The following EPB41L4B variants were observed in gnomAD, a reference collection of about 807,000 sequenced individuals.
EPB41L4B encodes band 4.1-like protein 4B.
In EPB41L4B, 30 loss-of-function variants were observed where a neutral mutation model predicts 112.5. The observed-to-expected ratio is 0.27, with a 90% CI of 0.20 to 0.36. The LOEUF is 0.36. EPB41L4B is among the 10% of genes least tolerant of loss of function. The pLI, the probability that EPB41L4B is intolerant of heterozygous loss-of-function variation, is 1.00. For synonymous variants in EPB41L4B, 408 were observed against 439.7 expected (o/e 0.93, Z 0.90); for missense variants, 1,024 against 1,133.3 (o/e 0.90, Z 1.38).
intron 15 of EPB41L4B, among the ~76,000 whole-genome samples, chr9:109,236,526 A>T (rs766078583): frequency 3.3e-5 from 5 of 152,112 alleles, no homozygotes; most frequent in Admixed American, 6.5e-5. Flanking sequence ...TGAAAAGCAA[A>T]CCTGGACTGC....
intron 16 of EPB41L4B, among the ~76,000 whole-genome samples, chr9:109,216,563 C>T (rs1833373739): frequency 6.6e-6 from 1 of 151,064 alleles, no homozygotes; most frequent in Admixed American, 6.6e-5. Flanking sequence ...ATTGCTCGGA[C>T]CTGGGAGGGG....
chr9:109,286,213 A>ATGGATGGG (rs1836274508), intron 1 of EPB41L4B, among the ~76,000 whole-genome samples: 1 of 148,732 alleles, frequency 6.7e-6, no homozygotes, highest in African/African-American at 2.6e-5. Context: ...GGATGGATGG[A>ATGGATGGG]TGGATGGGTG....
Position 109,320,506 on chromosome 9 carries a change from G to GCTGCCA in EPB41L4B, c.-61_-60insTGGCAG. ...CGCTGCCGCTGCCGCTGCCGCTGCC[G>GCTGCCA]CTGCGCCGCCGCCCGGGAGCGTCCC... On this transcript the variant is annotated 5_prime_UTR_variant, in exon 1 of 26. Transcript: ENST00000374566. 1 of 871,284 alleles carries GCTGCCA rather than the reference G, an allele frequency of 1.1e-6. No homozygotes were observed. 54.0% of individuals were successfully genotyped at this position (871,284 alleles called of 1,614,324 possible).
At position 109,197,295 on chromosome 9, in the gene EPB41L4B, C is replaced by T. The variant is rs527793233; in HGVS notation, c.2046-2898G>A. On this transcript the variant is annotated intron_variant, in intron 20 of 25. Coordinates refer to ENST00000374566, the MANE Select transcript of EPB41L4B (RefSeq NM_019114.5). ...AAAATTAGCTGGGCGTGGTGGCACACGCCTGTAATCCCAGCTACTCGGCAG... is the reference window on the plus strand; with the variant it reads ...AAAATTAGCTGGGCGTGGTGGCACATGCCTGTAATCCCAGCTACTCGGCAG... 1.4e-3 allele frequency among the ~76,000 whole-genome samples: 208 copies of T among 152,148 alleles called. 2 individuals carry two copies. Among genetic ancestry groups the T allele is most frequent in the African/African-American group, 4.5e-3 (188 of 41,512 alleles).
intron 19 of EPB41L4B, among the ~76,000 whole-genome samples, chr9:109,201,904 A>G (rs1212383282): frequency 6.6e-6 from 1 of 151,976 alleles, no homozygotes; most frequent in Admixed American, 6.6e-5. Context: ...TCAGATTTAC[A>G]TTACAGAAAG....
At chr9:109,250,715 G>A (rs899347919) in intron 13 of EPB41L4B, among the ~76,000 whole-genome samples, 1 of 152,200 alleles carries the variant, frequency 6.6e-6, no homozygotes, top group African/African-American at 2.4e-5. Context: ...TGCGGAGGAT[G>A]TTTCAGATAA....
intron 1 of EPB41L4B, chr9:109,300,780 T>C (rs917961058): frequency 6.6e-6 from 1 of 152,052 alleles, no homozygotes; most frequent in African/African-American, 2.4e-5. Context: ...AGCAAGACTT[T>C]GTCTCAAAAA....
At chr9:109,177,057 G>A (rs752708890) in intron 24 of EPB41L4B, among the ~76,000 whole-genome samples, 2 of 152,198 alleles carry the variant, frequency 1.3e-5, no homozygotes, top group Non-Finnish European at 2.9e-5. Flanking sequence ...ATCGGGAAAT[G>A]TTAAAAGGTG....
intron 20 of EPB41L4B, 142 bp downstream of exon 20, chr9:109,200,094 G>T: frequency 1.6e-6 from 1 of 633,378 alleles, no homozygotes; most frequent in East Asian, 2.7e-5. Flanking sequence ...GAAAGGGCTA[G>T]TCTCATTATT....
chr9:109,233,739 C>G (rs928637614), intron 15 of EPB41L4B, among the ~76,000 whole-genome samples: 1 of 152,118 alleles, frequency 6.6e-6, no homozygotes, highest in Non-Finnish European at 1.5e-5. Context: ...GCCATGCTGG[C>G]TAGGCTAGTC....
chr9:109,211,739 G>A (rs1173081698), intron 17 of EPB41L4B, among the ~76,000 whole-genome samples: 2 of 147,648 alleles, frequency 1.4e-5, no homozygotes, highest in Non-Finnish European at 3.0e-5. Context: ...TTTTTGAGAG[G>A]GAGTCTCGCT....
chr9:109,263,384 C>A (rs1835286754), intron 5 of EPB41L4B, among the ~76,000 whole-genome samples: 1 of 152,214 alleles, frequency 6.6e-6, no homozygotes, highest in Admixed American at 6.5e-5. Context: ...GTTTGGAAAA[C>A]AGAATGAAAA....
At position 109,281,718 on chromosome 9, in the gene EPB41L4B, A is replaced by T. The variant is rs541721816; in HGVS notation, c.307-1797T>A. On this transcript the variant is annotated intron_variant, in intron 1 of 25. Coordinates refer to ENST00000374566, the MANE Select transcript of EPB41L4B (RefSeq NM_019114.5). ...TAAATAAATAAATAAATAAATAAAT[A>T]AATAAATTAATTAATTAATTTTAAA... Among the ~76,000 whole-genome samples, 642 of 118,254 alleles carry T rather than the reference A, an allele frequency of 5.4e-3. 2 individuals carry two copies. Among genetic ancestry groups the T allele is most frequent in the South Asian group, 0.018 (64 of 3,654 alleles). 77.6% of individuals were successfully genotyped at this position (118,254 alleles called of 152,430 possible).
chr9:109,305,562 A>G (rs10979817), intron 1 of EPB41L4B, among the ~76,000 whole-genome samples: 2,161 of 152,072 alleles, frequency 0.014, 44 homozygotes, highest in East Asian at 0.095. Context: ...AGGTTGCAGT[A>G]AGTGGAGACT....
chr9:109,283,493 C>T lies in EPB41L4B; in HGVS notation c.307-3572G>A, dbSNP rs74962085. 4.3e-3 allele frequency among the ~76,000 whole-genome samples: 647 copies of T among 152,194 alleles called. 8 individuals carry two copies. The highest frequency in any genetic ancestry group is 0.017 in the Middle Eastern group (5 of 294). On this transcript the variant is annotated intron_variant, in intron 1 of 25. Transcript: ENST00000374566. ...GAGAAAGGAGGCTGGAGGGATGAGA[C>T]GGCCTCATCTCTCCACCACAGGGAC...
At chr9:109,259,760 C>T (rs993074658) in intron 6 of EPB41L4B, among the ~76,000 whole-genome samples, 3 of 152,190 alleles carry the variant, frequency 2.0e-5, no homozygotes, top group Non-Finnish European at 4.4e-5. Flanking sequence ...ATTTTTAAAT[C>T]CACCACAAAT....
intron 19 of EPB41L4B, among the ~76,000 whole-genome samples, chr9:109,203,403 C>T (rs1433744885): frequency 6.6e-6 from 1 of 152,144 alleles, no homozygotes; most frequent in Non-Finnish European, 1.5e-5. Flanking sequence ...ATGTGAAGCC[C>T]ACTTGCTTGA....
At chr9:109,210,076 A>G (rs1833113558) in intron 17 of EPB41L4B, among the ~76,000 whole-genome samples, 1 of 150,010 alleles carries the variant, frequency 6.7e-6, no homozygotes, top group Non-Finnish European at 1.5e-5. Context: ...GTTAGCAAAT[A>G]TATATAACCA....
At chr9:109,196,147 T>G (rs1832632693) in intron 20 of EPB41L4B, 1 of 151,280 alleles carries the variant, frequency 6.6e-6, no homozygotes, top group African/African-American at 2.4e-5. Flanking sequence ...TTTTTTTTCT[T>G]TTCTTTAAAT....
Sources: allele counts gnomAD v4.1 joint callset (sites outside exome capture counted in the v4.1 genomes callset), GRCh38; gene constraint gnomAD v4.1.1; transcripts MANE v1.5; gene names NCBI Gene and HGNC (gene_info 2026-07-23, HGNC 2026-07-21).